SLC6A20: variants seen among roughly 807,000 people sequenced by gnomAD.
SLC6A20 encodes sodium- and chloride-dependent transporter XTRP3.
SLC6A20 carries 73 observed loss-of-function variants against 64.3 expected under a neutral mutation model. The ratio of observed to expected loss-of-function variants is 1.14; its 90% CI spans 0.94 to 1.38. The LOEUF is 1.38. Among genes scored for constraint, SLC6A20 ranks in the 40% most tolerant of loss-of-function variants. SLC6A20 has a pLI of 0.00. For missense variants in SLC6A20, 725 were observed against 772.8 expected (o/e 0.94, Z 0.73); for synonymous variants, 347 against 329.6 (o/e 1.05, Z -0.57).
intron 2 of SLC6A20, among the ~76,000 whole-genome samples, chr3:45,780,466 G>A (rs747636742): frequency 2.0e-5 from 3 of 152,190 alleles, no homozygotes; most frequent in African/African-American, 4.8e-5. Context: ...AAGACTACCC[G>A]GCTGTTAAGT....
chr3:45,757,913 C>CAT lies in SLC6A20; in HGVS notation c.*1064_*1065insAT, dbSNP rs1699576782. The CAT allele has an allele frequency of 1.7e-5, 2 of 118,918 alleles. No individual in the cohort carries two copies. Among genetic ancestry groups the CAT allele is most frequent in the Non-Finnish European group, 3.3e-5 (2 of 59,878 alleles). 7.4% of individuals were successfully genotyped at this position (118,918 alleles called of 1,614,324 possible). A position where few individuals can be genotyped will look rare whatever the true frequency, so the allele number is the denominator to read the frequency against. ...TAAGCCTATGGGAAAGTCAGAGCCA[C>CAT]TTTTTTTTTTTTTTTTTTTTGAGTC... On this transcript the variant is annotated 3_prime_UTR_variant, in exon 11 of 11. Transcript: ENST00000358525.
chr3:45,772,748 G>A, intron 4 of SLC6A20, 133 bp from the exon 5 acceptor site: 2 of 721,210 alleles, frequency 2.8e-6, no homozygotes, highest in South Asian at 1.7e-5. Context: ...AAAAGGCATG[G>A]AGATTCTTGG....
chr3:45,759,727 G>T, intron 10 of SLC6A20, 130 bp downstream of exon 10: 1 of 1,197,496 alleles, frequency 8.4e-7, no homozygotes. Context: ...ATACCTCAGT[G>T]ATATTTCCAT....
intron 3 of SLC6A20, among the ~76,000 whole-genome samples, chr3:45,777,824 G>A (rs977796450): frequency 3.9e-5 from 6 of 152,158 alleles, no homozygotes; most frequent in African/African-American, 1.4e-4. Context: ...ACCTGCTGAT[G>A]CCAGACCGGG....
intron 7 of SLC6A20, among the ~76,000 whole-genome samples, chr3:45,766,381 T>G (rs751133398): frequency 6.6e-6 from 1 of 152,168 alleles, no homozygotes; most frequent in Non-Finnish European, 1.5e-5. Context: ...CCGGTTTAGA[T>G]GCACAGGATT....
chr3:45,784,448 G>T (rs1414591169), intron 1 of SLC6A20, among the ~76,000 whole-genome samples: 3 of 152,174 alleles, frequency 2.0e-5, no homozygotes, highest in South Asian at 2.1e-4. Flanking sequence ...TTGAGGCAAA[G>T]ATTTCTTAAA....
intron 7 of SLC6A20, among the ~76,000 whole-genome samples, chr3:45,768,451 A>G (rs1699808662): frequency 6.6e-6 from 1 of 152,234 alleles, no homozygotes; most frequent in Admixed American, 6.5e-5. Flanking sequence ...CCATCCATAA[A>G]GGAAAGTTGA....
chr3:45,768,551 G>A (rs1361405965), intron 7 of SLC6A20, among the ~76,000 whole-genome samples: 2 of 152,226 alleles, frequency 1.3e-5, no homozygotes, highest in African/African-American at 2.4e-5. Flanking sequence ...TTTGTGGGCT[G>A]GGGTCTGATG....
At chr3:45,770,000 C>T (rs1025409245) in intron 7 of SLC6A20, among the ~76,000 whole-genome samples, 21 of 152,148 alleles carry the variant, frequency 1.4e-4, no homozygotes, top group Admixed American at 1.2e-3. Flanking sequence ...CAGAGAGGTC[C>T]GCCAGGAAGT....
intron 6 of SLC6A20, among the ~76,000 whole-genome samples, chr3:45,770,605 G>A (rs1699845466): frequency 6.6e-6 from 1 of 152,196 alleles, no homozygotes. Flanking sequence ...GACCAACATA[G>A]TCCAGCAGAA....
Position 45,775,956 on chromosome 3 carries a change from A to T in SLC6A20, c.387T>A (p.Asn129Lys). The change falls in exon 4 of 11, where the codon AAT becomes AAA. Residue 129 changes from asparagine (N) to lysine (K), a missense_variant. Asn to Lys is a moderately conservative substitution (Grantham distance 94). Coordinates refer to ENST00000358525, the MANE Select transcript of SLC6A20 (RefSeq NM_020208.4). ...DPLPWSVCPL[N>K]GNHTGYDEEC... ...CCTCATCGTAGCCCGTGTGGTTACCATTCAGTGGGCAGACAGACCACGGCA... is the reference window on the plus strand; with the variant it reads ...CCTCATCGTAGCCCGTGTGGTTACCTTTCAGTGGGCAGACAGACCACGGCA... 6.2e-7 allele frequency: 1 copy of T among 1,614,222 alleles called. No individual in the cohort carries two copies. The highest frequency in any genetic ancestry group is 8.5e-7 in the Non-Finnish European group (1 of 1,180,032).
chr3:45,772,578 A>G lies in SLC6A20; in HGVS notation c.620T>C (p.Leu207Pro). The G allele has an allele frequency of 6.2e-7, 1 of 1,613,970 alleles. No individual in the cohort carries two copies. Among genetic ancestry groups the G allele is most frequent in the African/African-American group, 1.3e-5 (1 of 75,042 alleles). Residue 207 changes from leucine to proline, a missense_variant, in exon 5 of 11, where the codon CTC becomes CCC. Leu to Pro is a moderately conservative substitution (Grantham distance 98). Transcript: ENST00000358525. The part of the protein sequence containing the change: ...YFTASLPYCV[L>P]IIYLIRGLTL... ...GAGGCCCCTGATGAGGTAGATGATGAGCACGCAATAGGGCAGTGACGCCGT... is the reference window on the plus strand; with the variant it reads ...GAGGCCCCTGATGAGGTAGATGATGGGCACGCAATAGGGCAGTGACGCCGT...
At chr3:45,770,006 G>A (rs970031497) in intron 7 of SLC6A20, among the ~76,000 whole-genome samples, 2 of 152,216 alleles carry the variant, frequency 1.3e-5, no homozygotes, top group African/African-American at 2.4e-5. Flanking sequence ...GGTCCGCCAG[G>A]AAGTTTATTA....
At chr3:45,764,698 TC>T in intron 8 of SLC6A20, among the ~76,000 whole-genome samples, 1 of 140,482 alleles carries the variant, frequency 7.1e-6, no homozygotes, top group South Asian at 2.2e-4. Flanking sequence ...TGAGACTGTT[TC>T]TTTAAAAACA....
At chr3:45,762,600 C>A (rs1287899657) in intron 9 of SLC6A20, among the ~76,000 whole-genome samples, 1 of 152,246 alleles carries the variant, frequency 6.6e-6, no homozygotes, top group African/African-American at 2.4e-5. Context: ...ATGATCAGAG[C>A]ATCCAGTGCC....
intron 8 of SLC6A20, 59 bp from the exon 9 acceptor site, chr3:45,763,131 G>A: frequency 1.2e-6 from 2 of 1,605,240 alleles, no homozygotes; most frequent in South Asian, 1.1e-5. Context: ...CTGCTTACCA[G>A]TTCTCTACAG....
chr3:45,785,444 G>T (rs1252079029), intron 1 of SLC6A20, among the ~76,000 whole-genome samples: 1 of 152,184 alleles, frequency 6.6e-6, no homozygotes, highest in African/African-American at 2.4e-5. Context: ...GCCTGGCTTA[G>T]CCTCTCAGCC....
intron 3 of SLC6A20, among the ~76,000 whole-genome samples, chr3:45,778,372 A>T (rs1252994546): frequency 6.6e-6 from 1 of 152,220 alleles, no homozygotes; most frequent in Non-Finnish European, 1.5e-5. Context: ...CATGTAAGTG[A>T]ATGTCTGCAG....
intron 1 of SLC6A20, 62 bp downstream of exon 1, chr3:45,796,237 T>C (rs1700343395): frequency 6.4e-7 from 1 of 1,553,164 alleles, no homozygotes. Flanking sequence ...TAACCCCGGC[T>C]CGCACACACG....
Sources: gnomAD v4.1 joint callset for allele counts (sites outside exome capture counted in the v4.1 genomes callset) on GRCh38, gnomAD v4.1.1 for gene constraint, MANE v1.5 for transcripts, NCBI Gene and HGNC (gene_info 2026-07-23, HGNC 2026-07-21) for gene names.